The following SPTLC2 variants were observed in gnomAD, a reference collection of about 807,000 sequenced individuals.
SPTLC2 encodes serine palmitoyltransferase long chain base subunit 2.
Under a neutral mutation model 62.0 loss-of-function variants are expected in SPTLC2, and 21 were observed. The observed-to-expected ratio is 0.34, with a 90% CI of 0.24 to 0.49. SPTLC2 has a LOEUF of 0.49. Ranked by LOEUF, SPTLC2 falls within the 20% of genes least tolerant of loss-of-function variation. The pLI is 0.99. For missense variants in SPTLC2, 511 were observed against 713.0 expected (o/e 0.72, Z 3.23); for synonymous variants, 261 against 261.8 (o/e 1.00, Z 0.03).
Position 77,512,394 on chromosome 14 carries a change from C to T in SPTLC2, c.1579G>A (p.Glu527Lys), listed in dbSNP as rs1368135928. 6.2e-7 allele frequency: 1 copy of T among 1,614,088 alleles called. No homozygotes were observed. Among genetic ancestry groups the T allele is most frequent in the Non-Finnish European group, 8.5e-7 (1 of 1,180,042 alleles). ...TKEILDTALK[E>K]IDEVGDLLQL... ...AATAGGTCCCCAACTTCATCTATCT[C>T]CTTTAAAGCCTAAAATACACAAGAC... Residue 527 changes from glutamate (E) to lysine (K), a missense_variant, in exon 12 of 12, where the codon GAG (glutamate) becomes AAG (lysine). Glu to Lys is a moderately conservative substitution (Grantham distance 56). Transcript: ENST00000216484.
At chr14:77,580,608 A>G (rs2140042357) in intron 2 of SPTLC2, among the ~76,000 whole-genome samples, 1 of 150,838 alleles carries the variant, frequency 6.6e-6, no homozygotes, top group South Asian at 2.1e-4. Flanking sequence ...CTGTAACCCC[A>G]ACACTTCGGG....
In SPTLC2 at chr14:77,542,566, A is replaced by G. The variant is rs568007001; in HGVS notation, c.1303+9530T>C. On this transcript the variant is annotated intron_variant, in intron 9 of 11. Transcript: ENST00000216484. ...CTAGGTTTACCATCTCCAAGACACA[A>G]CCCCTATTTTGCTAGACTGGCGACA... Among the ~76,000 whole-genome samples the G allele has an allele frequency of 1.4e-3, 208 of 152,104 alleles. 1 individual carries two copies. The highest frequency in any genetic ancestry group is 4.7e-3 in the African/African-American group (195 of 41,496).
Position 77,552,092 on chromosome 14 carries a change from T to G in SPTLC2, c.1303+4A>C. The G allele has an allele frequency of 6.2e-7, 1 of 1,613,952 alleles. No individual in the cohort carries two copies. The highest frequency in any genetic ancestry group is 8.5e-7 in the Non-Finnish European group (1 of 1,179,960). On this transcript the variant is annotated splice_donor_region_variant and intron_variant, in intron 9 of 11. Coordinates refer to ENST00000216484, the MANE Select transcript of SPTLC2 (RefSeq NM_004863.4). ...TGCAATGTTTCAAGAAAAGAAAGAC[T>G]TACCAAGGCTGGTGCCATCCTGCCC... is the stretch of plus-strand genomic sequence containing the variant.
At chr14:77,577,269 T>C (rs1213524155) in intron 3 of SPTLC2, among the ~76,000 whole-genome samples, 1 of 151,874 alleles carries the variant, frequency 6.6e-6, no homozygotes, top group Non-Finnish European at 1.5e-5. Context: ...TATATACACA[T>C]GAGGATCCTT....
At chr14:77,585,663 TGG>T (rs2079777116) in intron 2 of SPTLC2, among the ~76,000 whole-genome samples, 1 of 152,172 alleles carries the variant, frequency 6.6e-6, no homozygotes, top group South Asian at 2.1e-4. Flanking sequence ...GAAAAAAAAC[TGG>T]GACAAGTAAA....
chr14:77,591,648 C>A (rs752546005), intron 2 of SPTLC2, among the ~76,000 whole-genome samples: 6 of 152,024 alleles, frequency 3.9e-5, no homozygotes, highest in Non-Finnish European at 8.8e-5. Flanking sequence ...GCAACTTCCA[C>A]CTCCCAGGTT....
At chr14:77,528,650 GAATT>G (rs1372261331) in intron 9 of SPTLC2, among the ~76,000 whole-genome samples, 1 of 152,114 alleles carries the variant, frequency 6.6e-6, no homozygotes, top group Non-Finnish European at 1.5e-5. Context: ...CATTAACTAG[GAATT>G]AATTGACATA....
intron 7 of SPTLC2, among the ~76,000 whole-genome samples, 175 bp from the exon 8 acceptor site, chr14:77,555,694 C>T (rs2079579598): frequency 6.6e-6 from 1 of 152,026 alleles, no homozygotes; most frequent in African/African-American, 2.4e-5. Flanking sequence ...CGGCTTACTA[C>T]AATCCCTGAC....
chr14:77,553,352 G>T (rs1231467252), intron 8 of SPTLC2, among the ~76,000 whole-genome samples: 4 of 151,978 alleles, frequency 2.6e-5, no homozygotes, highest in African/African-American at 9.7e-5. Flanking sequence ...TCTATCCTTT[G>T]GTTCACAGCC....
chr14:77,583,526 CAA>C (rs1357302353), intron 2 of SPTLC2, among the ~76,000 whole-genome samples: 4 of 152,146 alleles, frequency 2.6e-5, no homozygotes, highest in African/African-American at 9.7e-5. Flanking sequence ...GTTCTCTCCG[CAA>C]AGAGTGATAG....
chr14:77,520,152 A>AGG (rs377612794), intron 10 of SPTLC2, among the ~76,000 whole-genome samples: 1 of 150,374 alleles, frequency 6.7e-6, no homozygotes, highest in Non-Finnish European at 1.5e-5. Flanking sequence ...CTTTAAAGAG[A>AGG]GCTCTAGACT....
chr14:77,539,858 G>T (rs1202696806), intron 9 of SPTLC2, among the ~76,000 whole-genome samples: 1 of 151,390 alleles, frequency 6.6e-6, no homozygotes, highest in Non-Finnish European at 1.5e-5. Context: ...GTCAAAAACA[G>T]ATTGCTGACT....
intron 8 of SPTLC2, among the ~76,000 whole-genome samples, chr14:77,554,081 G>A (rs918434008): frequency 6.6e-6 from 1 of 152,168 alleles, no homozygotes; most frequent in African/African-American, 2.4e-5. Context: ...GCCTCTCAAA[G>A]TGCTGGGATT....
rs933506506 is a variant in SPTLC2 at position 77,506,743 on chromosome 14, T to C, written c.*5541A>G. ...AGCAGACTCTGAGTTGGCTTGAGTC[T>C]CCTCGTGCATAGAAGCATTCACTCA... On this transcript the variant is annotated 3_prime_UTR_variant, in exon 12 of 12. Coordinates refer to ENST00000216484, the MANE Select transcript of SPTLC2 (RefSeq NM_004863.4). 2 of 151,836 alleles carry C rather than the reference T, an allele frequency of 1.3e-5. No homozygotes were observed. Among genetic ancestry groups the C allele is most frequent in the African/African-American group, 4.8e-5 (2 of 41,336 alleles). 9.4% of individuals were successfully genotyped at this position (151,836 alleles called of 1,614,324 possible).
At chr14:77,608,678 G>T (rs2079918121) in intron 1 of SPTLC2, among the ~76,000 whole-genome samples, 1 of 152,064 alleles carries the variant, frequency 6.6e-6, no homozygotes, top group African/African-American at 2.4e-5. Context: ...CAGGGTGGAG[G>T]TAAGGTGTAA....
At chr14:77,582,063 T>A (rs1275643623) in intron 2 of SPTLC2, among the ~76,000 whole-genome samples, 1 of 151,392 alleles carries the variant, frequency 6.6e-6, no homozygotes. Flanking sequence ...AAAAAAAAAT[T>A]TTTTTTTGAG....
At chr14:77,583,606 T>C (rs1474523560) in intron 2 of SPTLC2, among the ~76,000 whole-genome samples, 1 of 152,154 alleles carries the variant, frequency 6.6e-6, no homozygotes, top group Non-Finnish European at 1.5e-5. Flanking sequence ...TTGGTCACTG[T>C]GAAGTGACTT....
chr14:77,560,844 A>G (rs1288531928), intron 6 of SPTLC2, among the ~76,000 whole-genome samples: 1 of 151,886 alleles, frequency 6.6e-6, no homozygotes, highest in Non-Finnish European at 1.5e-5. Flanking sequence ...AACAACAGAC[A>G]CTGGGGTCTA....
At chr14:77,605,450 A>C (rs4899660) in intron 1 of SPTLC2, among the ~76,000 whole-genome samples, 66,005 of 152,118 alleles carry the variant, frequency 0.43, 14,696 homozygotes, top group East Asian at 0.64. Context: ...GATTATTCAA[A>C]TAAATAAATG....
Sources: allele counts gnomAD v4.1 joint callset (sites outside exome capture counted in the v4.1 genomes callset), GRCh38; gene constraint gnomAD v4.1.1; transcripts MANE v1.5; gene names NCBI Gene and HGNC (gene_info 2026-07-23, HGNC 2026-07-21).